Variants in GLRA2 observed in about 807,000 individuals in gnomAD.
GLRA2 encodes the protein glycine receptor subunit alpha-2.
Under a neutral mutation model 31.6 loss-of-function variants are expected in GLRA2, and 11 were observed. The observed-to-expected ratio is 0.35, with a 90% CI of 0.22 to 0.58. GLRA2 has a LOEUF of 0.58. Ranked by LOEUF, GLRA2 falls within the 20% of genes least tolerant of loss-of-function variation. The pLI is 0.84. For synonymous variants in GLRA2, 132 were observed against 134.0 expected (o/e 0.99, Z 0.10); for missense variants, 212 against 351.8 (o/e 0.60, Z 3.18).
the GLRA2 span, among the ~76,000 whole-genome samples, chrX:14,500,900 G>C: frequency 2.3e-4 from 26 of 110,654 alleles, no homozygotes; most frequent in South Asian, 9.7e-3. Flanking sequence ...TTTGGAACTG[G>C]AAGTCCTCAG....
At chrX:14,463,696 C>T in the GLRA2 span, among the ~76,000 whole-genome samples, 1 of 110,420 alleles carries the variant, frequency 9.1e-6, no homozygotes, top group African/African-American at 3.3e-5. Flanking sequence ...GAGGGGATCT[C>T]CTGTTCTGCC....
intron 7 of GLRA2, among the ~76,000 whole-genome samples, chrX:14,624,759 C>CT (rs1389920850): frequency 1.4e-4 from 16 of 111,466 alleles, no homozygotes; most frequent in African/African-American, 5.2e-4. Context: ...CTGAGGAGTG[C>CT]TTACTTCCAA....
chrX:14,470,314 A>G, the GLRA2 span, among the ~76,000 whole-genome samples: 3 of 112,123 alleles, frequency 2.7e-5, no homozygotes, highest in Non-Finnish European at 5.6e-5. Flanking sequence ...CATAATTCTT[A>G]GTACAATATT....
intron 3 of GLRA2, among the ~76,000 whole-genome samples, chrX:14,577,742 A>T (rs2089972676): frequency 9.0e-6 from 1 of 111,444 alleles, no homozygotes; most frequent in Non-Finnish European, 1.9e-5. Context: ...ATACTATCAC[A>T]TTGGAGGTTA....
At position 14,588,597 on chromosome X, in the gene GLRA2, G is replaced by GT. The variant is rs1176882177; in HGVS notation, c.494+7200dup. On this transcript the variant is annotated intron_variant, in intron 4 of 8. Coordinates refer to ENST00000218075, the MANE Select transcript of GLRA2 (RefSeq NM_002063.4). ...TTGGTTCTGTATGAATTTTAGAATA[G>GT]TTTTTTTTTCTAATTGTGTGAAAAA... Among the ~76,000 whole-genome samples the GT allele has an allele frequency of 2.4e-3, 267 of 110,295 alleles. 2 individuals are homozygous for GT. The highest frequency in any genetic ancestry group is 4.2e-3 in the Non-Finnish European group (223 of 52,642).
At chrX:14,522,023 A>T in the GLRA2 span, among the ~76,000 whole-genome samples, 1 of 111,832 alleles carries the variant, frequency 8.9e-6, no homozygotes, top group African/African-American at 3.2e-5. Context: ...GAAGTTTGCC[A>T]CATAGATCGA....
At chrX:14,598,145 A>C (rs749096367) in intron 4 of GLRA2, among the ~76,000 whole-genome samples, 1 of 111,693 alleles carries the variant, frequency 9.0e-6, no homozygotes, top group South Asian at 3.8e-4. Flanking sequence ...AATACCCCCA[A>C]GACTCTCTTG....
intron 7 of GLRA2, among the ~76,000 whole-genome samples, chrX:14,679,693 C>T (rs1362990117): frequency 1.8e-5 from 2 of 111,465 alleles, no homozygotes; most frequent in Non-Finnish European, 3.8e-5. Flanking sequence ...TTCTTCTACC[C>T]ACCAAAGACC....
intron 2 of GLRA2, among the ~76,000 whole-genome samples, chrX:14,541,455 T>C (rs1278535858): frequency 2.7e-5 from 3 of 111,713 alleles, no homozygotes; most frequent in Non-Finnish European, 5.7e-5. Context: ...TACCACACAA[T>C]TTTTACTTCA....
chrX:14,594,359 G>C (rs1378209881), intron 4 of GLRA2, among the ~76,000 whole-genome samples: 1 of 111,047 alleles, frequency 9.0e-6, no homozygotes, highest in Admixed American at 9.7e-5. Flanking sequence ...TTAAATAGCT[G>C]TAATACTAGA....
chrX:14,594,824 T>C (rs560854612), intron 4 of GLRA2, among the ~76,000 whole-genome samples: 5 of 110,609 alleles, frequency 4.5e-5, no homozygotes, highest in African/African-American at 1.6e-4. Context: ...CTTTATAATA[T>C]TTGGTAAACA....
At chrX:14,581,452 T>TGGAGA in intron 4 of GLRA2, 46 bp downstream of exon 4, 1 of 711,507 alleles carries the variant, frequency 1.4e-6, no homozygotes, top group Non-Finnish European at 2.3e-6. Flanking sequence ...ATTTCTCCAC[T>TGGAGA]AATGTAGAGC....
At chrX:14,715,083 C>T (rs1296884637) in intron 8 of GLRA2, among the ~76,000 whole-genome samples, 1 of 112,118 alleles carries the variant, frequency 8.9e-6, no homozygotes, top group African/African-American at 3.2e-5. Flanking sequence ...GAAAAAAAGT[C>T]TTTATATTCT....
chrX:14,531,050 T>A (rs754923599), intron 1 of GLRA2: 32 of 968,585 alleles, frequency 3.3e-5, no homozygotes, highest in Non-Finnish European at 4.3e-5. Context: ...GGTTTACACC[T>A]CCTACTATGA....
the GLRA2 span, among the ~76,000 whole-genome samples, chrX:14,483,199 G>A: frequency 0.017 from 1,888 of 111,786 alleles, 38 homozygotes; most frequent in African/African-American, 0.059. Flanking sequence ...ACACAGGCTA[G>A]GGCATAAAAT....
the GLRA2 span, among the ~76,000 whole-genome samples, chrX:14,466,567 T>C: frequency 7.8e-5 from 8 of 103,045 alleles, no homozygotes; most frequent in African/African-American, 3.0e-4. Flanking sequence ...ATAATAAATA[T>C]TGATCCCTTT....
intron 4 of GLRA2, among the ~76,000 whole-genome samples, chrX:14,599,321 G>A (rs950508197): frequency 1.8e-5 from 2 of 112,192 alleles, no homozygotes; most frequent in Admixed American, 1.9e-4. Context: ...TCAGATTATC[G>A]GGGAAGAGGA....
chrX:14,703,024 T>C (rs1396910397), intron 8 of GLRA2, among the ~76,000 whole-genome samples: 2 of 111,700 alleles, frequency 1.8e-5, no homozygotes, highest in East Asian at 2.8e-4. Context: ...AGCAGTGCCA[T>C]GGGACCTTAT....
chrX:14,531,092 A>AATCATC (rs1045804534), intron 1 of GLRA2: 5 of 939,268 alleles, frequency 5.3e-6, no homozygotes, highest in Admixed American at 6.1e-5. Flanking sequence ...TTTTTATTAG[A>AATCATC]ATCATCATCA....
Sources: allele counts gnomAD v4.1 joint callset (sites outside exome capture counted in the v4.1 genomes callset), GRCh38; gene constraint gnomAD v4.1.1; transcripts MANE v1.5; gene names NCBI Gene and HGNC (gene_info 2026-07-23, HGNC 2026-07-21).